ITK: variants seen among roughly 807,000 people sequenced by gnomAD.
The protein encoded by ITK is IL2 inducible T cell kinase, also known as tyrosine-protein kinase ITK/TSK.
ITK carries 45 observed loss-of-function variants against 87.6 expected under a neutral mutation model. That is an observed-to-expected ratio of 0.51 (90% CI 0.40 to 0.66). The LOEUF is 0.66. Among genes scored for constraint, ITK ranks in the 30% least tolerant of loss-of-function variants. ITK has a pLI of 0.00. For synonymous variants in ITK, 303 were observed against 273.6 expected (o/e 1.11, Z -1.06); for missense variants, 605 against 766.3 (o/e 0.79, Z 2.48).
intron 11 of ITK, 101 bp downstream of exon 11, chr5:157,241,821 C>A: frequency 2.5e-6 from 2 of 793,620 alleles, no homozygotes; most frequent in South Asian, 2.8e-5. Context: ...GACTACAAAT[C>A]ACCATTAAAA....
At chr5:157,248,800 C>T in intron 15 of ITK, 50 bp from the exon 16 acceptor site, 3 of 1,610,430 alleles carry the variant, frequency 1.9e-6, no homozygotes, top group South Asian at 1.1e-5. Flanking sequence ...GGTTTGTTTG[C>T]TGTCTGTGGG....
intron 16 of ITK, among the ~76,000 whole-genome samples, chr5:157,249,466 C>A (rs1481016561): frequency 1.3e-5 from 2 of 152,218 alleles, no homozygotes; most frequent in African/African-American, 4.8e-5. Flanking sequence ...CCTCTGTACC[C>A]GCCCAGGTGG....
chr5:157,246,102 T>C, intron 15 of ITK, 103 bp downstream of exon 15: 1 of 847,728 alleles, frequency 1.2e-6, no homozygotes, highest in Non-Finnish European at 2.1e-6. Context: ...CCCTGTATCA[T>C]ATCATGAGGG....
chr5:157,198,549 TG>T (rs1370681322), intron 1 of ITK, among the ~76,000 whole-genome samples: 1 of 152,102 alleles, frequency 6.6e-6, no homozygotes, highest in Non-Finnish European at 1.5e-5. Context: ...AGGTGTGGGA[TG>T]GATCAGTTTC....
intron 13 of ITK, chr5:157,244,867 G>C: frequency 1.1e-5 from 3 of 279,856 alleles, no homozygotes. Flanking sequence ...CAGAATCTCT[G>C]GTGGCTGGGA....
At chr5:157,204,738 C>T (rs916732370) in intron 1 of ITK, among the ~76,000 whole-genome samples, 1 of 152,080 alleles carries the variant, frequency 6.6e-6, no homozygotes, top group Non-Finnish European at 1.5e-5. Flanking sequence ...TCTGGGATTA[C>T]AGGCATTAGC....
chr5:157,203,392 G>A (rs916807113), intron 1 of ITK, among the ~76,000 whole-genome samples: 1 of 152,326 alleles, frequency 6.6e-6, no homozygotes, highest in South Asian at 2.1e-4. Flanking sequence ...TCCACTGAGG[G>A]CCAGCCACTG....
chr5:157,189,007 C>A (rs986365698), intron 1 of ITK, among the ~76,000 whole-genome samples: 1 of 151,918 alleles, frequency 6.6e-6, no homozygotes, highest in African/African-American at 2.4e-5. Context: ...AGTAAATATC[C>A]GGGGAATGAA....
intron 1 of ITK, among the ~76,000 whole-genome samples, chr5:157,185,839 G>T (rs1043374591): frequency 6.6e-6 from 1 of 152,078 alleles, no homozygotes; most frequent in East Asian, 1.9e-4. Flanking sequence ...CTGAGACCTG[G>T]TCTCAAAAAT....
chr5:157,219,267 C>T (rs893739298), intron 5 of ITK, among the ~76,000 whole-genome samples: 27 of 152,156 alleles, frequency 1.8e-4, no homozygotes, highest in South Asian at 8.3e-4. Context: ...CGCTCACCAT[C>T]ATGCCCGGCT....
At chr5:157,199,896 C>G (rs552447416) in intron 1 of ITK, 5 of 152,090 alleles carry the variant, frequency 3.3e-5, no homozygotes, top group African/African-American at 1.2e-4. Context: ...CCGCCCTGCC[C>G]CCTCATCTAT....
Position 157,181,409 on chromosome 5 carries a change from C to T in ITK, c.138+294C>T, listed in dbSNP as rs554516697. Among the ~76,000 whole-genome samples the T allele has an allele frequency of 3.1e-4, 47 of 152,190 alleles. 1 individual carries two copies. The highest frequency in any genetic ancestry group is 2.5e-3 in the South Asian group (12 of 4,828). ...AAATTATGAATAACATTTTAGGTAG[C>T]AAGTATTATGATTCGATAAAACTTG... On this transcript the variant is annotated intron_variant, in intron 1 of 16. Transcript: ENST00000422843.
At chr5:157,208,350 A>G (rs769236681) in intron 1 of ITK, among the ~76,000 whole-genome samples, 2 of 152,140 alleles carry the variant, frequency 1.3e-5, no homozygotes, top group African/African-American at 2.4e-5. Context: ...TGGGGAGGAC[A>G]TGGAGAAGGG....
chr5:157,217,074 A>C (rs1442031417), intron 4 of ITK, among the ~76,000 whole-genome samples: 2 of 152,132 alleles, frequency 1.3e-5, no homozygotes, highest in Non-Finnish European at 2.9e-5. Context: ...CCCGTACCAC[A>C]GAGAGCCCCA....
At position 157,238,142 on chromosome 5, in the gene ITK, A is replaced by C. The variant is rs2113771030; in HGVS notation, c.802A>C (p.Arg268=). The C allele has an allele frequency of 6.2e-7, 1 of 1,613,920 alleles. No homozygotes were observed. Among genetic ancestry groups the C allele is most frequent in the East Asian group, 2.2e-5 (1 of 44,870 alleles). Residue 268 remains arginine (R), a synonymous_variant, in exon 9 of 17, where the codon AGG becomes CGG. Transcript: ENST00000422843. The part of the protein sequence containing the change: ...KEGAFMVRDS[R]TAGTYTVSVF... Reference sequence around the variant, plus strand: ...AGGAGCCTTCATGGTAAGGGATTCCAGGACTGCAGGAACATACACCGTGTC... The same window carrying C: ...AGGAGCCTTCATGGTAAGGGATTCCCGGACTGCAGGAACATACACCGTGTC...
At position 157,222,601 on chromosome 5, in the gene ITK, T is replaced by A. The variant is rs78812469; in HGVS notation, c.496-262T>A. On this transcript the variant is annotated intron_variant, in intron 5 of 16. Coordinates refer to ENST00000422843, the MANE Select transcript of ITK (RefSeq NM_005546.4). ...AGAGAGGCTGCTGCATATAACATAG[T>A]GCAGATAGAGAAACCAGCAGACTTT... 6.1e-3 allele frequency: 3,117 copies of A among 508,796 alleles called. 71 individuals carry two copies. Among genetic ancestry groups the A allele is most frequent in the African/African-American group, 0.053 (2,725 of 51,900 alleles). 31.5% of individuals were successfully genotyped at this position (508,796 alleles called of 1,614,324 possible). A position where few individuals can be genotyped will look rare whatever the true frequency, so the allele number is the denominator to read the frequency against.
chr5:157,202,554 G>A (rs1367721686), intron 1 of ITK, among the ~76,000 whole-genome samples: 1 of 152,102 alleles, frequency 6.6e-6, no homozygotes, highest in Admixed American at 6.6e-5. Context: ...GGGCATTTAG[G>A]TTAATTCTAT....
chr5:157,238,061 C>T (rs776226101), intron 8 of ITK, 48 bp from the exon 9 acceptor site: 1 of 1,429,562 alleles, frequency 7.0e-7, no homozygotes, highest in South Asian at 1.1e-5. Context: ...GAGGCATAAG[C>T]CTGGTTTCCT....
chr5:157,244,124 T>G, intron 12 of ITK, 138 bp from the exon 13 acceptor site: 1 of 803,040 alleles, frequency 1.2e-6, no homozygotes, highest in Non-Finnish European at 2.1e-6. Context: ...GTTTTTGTTT[T>G]GGGGAGGGAA....
Sources: allele counts gnomAD v4.1 joint callset (sites outside exome capture counted in the v4.1 genomes callset), GRCh38; gene constraint gnomAD v4.1.1; transcripts MANE v1.5; gene names NCBI Gene and HGNC (gene_info 2026-07-23, HGNC 2026-07-21).